The following INPP5A variants were observed in gnomAD, a reference collection of about 807,000 sequenced individuals.
The protein encoded by INPP5A is inositol polyphosphate-5-phosphatase A, also known as 43 kDa inositol polyphosphate 5-phophatase.
A neutral mutation model predicts 65.2 loss-of-function variants in INPP5A; 14 were observed. The observed-to-expected ratio is 0.21, with a 90% CI of 0.14 to 0.34. INPP5A has a LOEUF of 0.34. INPP5A is among the 10% of genes least tolerant of loss of function. The pLI is 1.00. For missense variants in INPP5A, 431 were observed against 545.6 expected, an observed-to-expected ratio of 0.79 and a Z score of 2.09; for synonymous variants, 207 against 208.3, an observed-to-expected ratio of 0.99 and a Z score of 0.05.
At chr10:132,548,070 T>A (rs1395753072) in intron 1 of INPP5A, among the ~76,000 whole-genome samples, 1 of 151,962 alleles carries the variant, frequency 6.6e-6, no homozygotes. Flanking sequence ...CGGCTAAATT[T>A]TTTTTGTATT....
Position 132,753,468 on chromosome 10 carries a change from G to A in INPP5A, c.903+3623G>A, listed in dbSNP as rs560523607. Among the ~76,000 whole-genome samples, 33 of 152,348 alleles carry A rather than the reference G, an allele frequency of 2.2e-4. No individual in the cohort carries two copies. The highest frequency in any genetic ancestry group is 4.4e-4 in the Non-Finnish European group (30 of 68,040). ...TGAAAATAATTATTGTATTTTAAGA[G>A]TAGTAATCATTGGCCGGGACATGAT... On this transcript the variant is annotated intron_variant, in intron 11 of 15. Coordinates refer to ENST00000368594, the MANE Select transcript of INPP5A (RefSeq NM_005539.5). This position sits in a 1 kb window ranked among gnomAD's most constrained non-coding sequence, Gnocchi z 5.3.
intron 4 of INPP5A, among the ~76,000 whole-genome samples, chr10:132,669,798 G>A (rs1005235928): frequency 6.6e-6 from 1 of 152,036 alleles, no homozygotes; most frequent in South Asian, 2.1e-4. Context: ...CGTGGACCTG[G>A]GTTTCTGGAA....
chr10:132,645,233 A>G (rs998560751), intron 2 of INPP5A, among the ~76,000 whole-genome samples: 1 of 152,074 alleles, frequency 6.6e-6, no homozygotes, highest in South Asian at 2.1e-4. Flanking sequence ...GGGCAGGGGC[A>G]CCAGTGGCCG....
chr10:132,561,338 C>G (rs932136609), intron 1 of INPP5A, among the ~76,000 whole-genome samples: 1 of 151,874 alleles, frequency 6.6e-6, no homozygotes, highest in Non-Finnish European at 1.5e-5. Flanking sequence ...AGTTTTAGCT[C>G]TTACATGTAG....
At chr10:132,738,438 T>A (rs1181247601) in intron 9 of INPP5A, among the ~76,000 whole-genome samples, 1 of 152,200 alleles carries the variant, frequency 6.6e-6, no homozygotes. Context: ...CGTCCAGCCG[T>A]GCCAGTGGAA....
chr10:132,606,882 G>A (rs780264725), intron 1 of INPP5A, among the ~76,000 whole-genome samples: 1 of 152,202 alleles, frequency 6.6e-6, no homozygotes, highest in Non-Finnish European at 1.5e-5. Context: ...AACCGTTTCC[G>A]AGTGTGCAGT....
chr10:132,657,134 G>A (rs532656898), intron 4 of INPP5A, among the ~76,000 whole-genome samples: 18 of 152,324 alleles, frequency 1.2e-4, no homozygotes, highest in African/African-American at 4.1e-4. Flanking sequence ...GCTAAGCTGC[G>A]CCGCCTGCTC....
chr10:132,568,280 G>A (rs955292968), intron 1 of INPP5A, among the ~76,000 whole-genome samples: 26 of 152,140 alleles, frequency 1.7e-4, no homozygotes, highest in Non-Finnish European at 2.6e-4. Context: ...CCCGGCTAAG[G>A]GTTCCTATGT....
intron 11 of INPP5A, among the ~76,000 whole-genome samples, chr10:132,751,500 G>C (rs1846476120): frequency 1.3e-5 from 2 of 152,252 alleles, no homozygotes; most frequent in South Asian, 4.1e-4. Context: ...GGCTCTGCCT[G>C]CGGGACTCTG....
rs1418053371 is a variant in INPP5A at position 132,762,896 on chromosome 10, G to A, written c.904-2877G>A. ...TCCATCTGCTCGGGAGGCTGAGGCA[G>A]GAGAATCACTTGAGCCCAGGAGGCA... On this transcript the variant is annotated intron_variant, in intron 11 of 15. Coordinates refer to ENST00000368594, the MANE Select transcript of INPP5A (RefSeq NM_005539.5). This position sits in a 1 kb window ranked among gnomAD's most constrained non-coding sequence, Gnocchi z 4.6. 6.6e-6 allele frequency among the ~76,000 whole-genome samples: 1 copy of A among 152,188 alleles called. No homozygotes were observed. The highest frequency in any genetic ancestry group is 1.5e-5 in the Non-Finnish European group (1 of 68,046).
chr10:132,720,726 G>A (rs1403456010), intron 8 of INPP5A, among the ~76,000 whole-genome samples: 15 of 138,392 alleles, frequency 1.1e-4, no homozygotes, highest in Admixed American at 9.7e-4. Context: ...GTTCTGTGGT[G>A]CCTGAGTTCT....
rs188657104 is a variant in INPP5A, at chr10:132,701,600, G to A, written c.474+3681G>A. The stretch of plus-strand genomic sequence containing the variant: ...CCAGGACGCCCGTCTCTGCCTCCCA[G>A]CACTTCCCGGCCCTGCTCTGGAGGA... On this transcript the variant is annotated intron_variant, in intron 6 of 15. Transcript: ENST00000368594. 3.5e-3 allele frequency among the ~76,000 whole-genome samples: 527 copies of A among 152,382 alleles called. 4 individuals are homozygous for A. The highest frequency in any genetic ancestry group is 0.012 in the African/African-American group (508 of 41,592).
rs1845377138 is a variant in INPP5A, at chr10:132,698,225, G to A, written c.474+306G>A. On this transcript the variant is annotated intron_variant, in intron 6 of 15. Coordinates refer to ENST00000368594, the MANE Select transcript of INPP5A (RefSeq NM_005539.5). This position sits in a 1 kb window ranked among gnomAD's most constrained non-coding sequence, Gnocchi z 5.5. ...ATTCAGCTCCCTTGGCGTGCACCTGGGGTCTCCCGCACGCCCAGCTGGGAG... is the reference window on the plus strand; with the variant it reads ...ATTCAGCTCCCTTGGCGTGCACCTGAGGTCTCCCGCACGCCCAGCTGGGAG... 6.6e-6 allele frequency among the ~76,000 whole-genome samples: 1 copy of A among 152,116 alleles called. No homozygotes were observed. Among genetic ancestry groups the A allele is most frequent in the Non-Finnish European group, 1.5e-5 (1 of 68,012 alleles).
At chr10:132,690,047 C>T (rs1845231749) in intron 4 of INPP5A, among the ~76,000 whole-genome samples, 1 of 152,186 alleles carries the variant, frequency 6.6e-6, no homozygotes, top group South Asian at 2.1e-4. Flanking sequence ...GTCTGGTCCA[C>T]TCAATGCCCA....
In INPP5A at chr10:132,705,212, A is replaced by G. The variant is rs2134517499; in HGVS notation, c.475-3101A>G. Among the ~76,000 whole-genome samples, 1 of 152,328 alleles carries G rather than the reference A, an allele frequency of 6.6e-6. No individual in the cohort carries two copies. The highest frequency in any genetic ancestry group is 1.9e-4 in the East Asian group (1 of 5,180). On this transcript the variant is annotated intron_variant, in intron 6 of 15. Coordinates refer to ENST00000368594, the MANE Select transcript of INPP5A (RefSeq NM_005539.5). The surrounding 1 kb of genome is among the most constrained non-coding windows in gnomAD (Gnocchi z 4.9). ...TTGCAGACACAGTTACCGACAGGAA[A>G]TGAACACAGAGGCTCCCCGGGGCAA...
At chr10:132,779,906 G>A (rs1467685135) in intron 13 of INPP5A, among the ~76,000 whole-genome samples, 1 of 152,152 alleles carries the variant, frequency 6.6e-6, no homozygotes, top group African/African-American at 2.4e-5. Flanking sequence ...CACGCTGCCT[G>A]TGCCCGCCGT....
chr10:132,563,460 T>A (rs2071231798), intron 1 of INPP5A, among the ~76,000 whole-genome samples: 2 of 152,210 alleles, frequency 1.3e-5, no homozygotes, highest in Admixed American at 6.5e-5. Flanking sequence ...GTCATCTTCA[T>A]GAGTTCACAA....
rs1845364841 is a variant in INPP5A at position 132,697,572 on chromosome 10, C to T, written c.371-244C>T. On this transcript the variant is annotated intron_variant, in intron 5 of 15. Transcript: ENST00000368594. This position sits in a 1 kb window ranked among gnomAD's most constrained non-coding sequence, Gnocchi z 5.6. ...CCTGTAAATCTGCAGTCTGGGAGCT[C>T]TCAGGCGATAATGGAGTGGAGTGTC... Among the ~76,000 whole-genome samples the T allele has an allele frequency of 6.6e-6, 1 of 152,182 alleles. No homozygotes were observed. The highest frequency in any genetic ancestry group is 2.1e-4 in the South Asian group (1 of 4,832).
At chr10:132,686,144 C>T (rs1026765184) in intron 4 of INPP5A, among the ~76,000 whole-genome samples, 8 of 152,316 alleles carry the variant, frequency 5.3e-5, no homozygotes, top group South Asian at 4.1e-4. Context: ...CCAGGTTAGC[C>T]GGGGTCTGGA....
Sources: allele counts gnomAD v4.1 joint callset (sites outside exome capture counted in the v4.1 genomes callset), GRCh38; gene constraint gnomAD v4.1.1; non-coding constraint Gnocchi (gnomAD v3.1); transcripts MANE v1.5; gene names NCBI Gene and HGNC (gene_info 2026-07-23, HGNC 2026-07-21).